Variants in PSD3 observed in about 807,000 individuals in gnomAD.
PSD3 encodes pleckstrin and Sec7 domain containing 3.
In PSD3, 49 loss-of-function variants were observed where a neutral mutation model predicts 105.5. The ratio of observed to expected loss-of-function variants is 0.46; its 90% CI spans 0.37 to 0.59. The LOEUF is 0.59. Among genes scored for constraint, PSD3 ranks in the 20% least tolerant of loss-of-function variants. PSD3 has a pLI of 0.00. For missense variants in PSD3, 1,561 were observed against 1,263.8 expected (o/e 1.24, Z -3.57); for synonymous variants, 557 against 457.8 (o/e 1.22, Z -2.77).
chr8:18,582,862 G>A (rs1315184458), intron 12 of PSD3, among the ~76,000 whole-genome samples: 2 of 140,872 alleles, frequency 1.4e-5, no homozygotes, highest in African/African-American at 5.8e-5. Flanking sequence ...GTCTCGCTCT[G>A]TCACCCAGGC....
chr8:18,696,055 T>G (rs922633905), intron 9 of PSD3, among the ~76,000 whole-genome samples: 4 of 152,126 alleles, frequency 2.6e-5, no homozygotes, highest in African/African-American at 9.7e-5. Context: ...AGAATTGCCC[T>G]GAGATGAAAA....
chr8:18,965,876 C>T, intron 1 of PSD3, among the ~76,000 whole-genome samples: 1 of 152,228 alleles, frequency 6.6e-6, no homozygotes, highest in East Asian at 1.9e-4. Flanking sequence ...AAATGCCAGG[C>T]CTGAGTTAAG....
At chr8:18,665,837 C>A (rs970828522) in intron 9 of PSD3, among the ~76,000 whole-genome samples, 1 of 152,118 alleles carries the variant, frequency 6.6e-6, no homozygotes, top group Non-Finnish European at 1.5e-5. Flanking sequence ...GGTGAGACAG[C>A]GAGACCCAGT....
intron 4 of PSD3, among the ~76,000 whole-genome samples, chr8:18,814,967 A>C (rs1325547671): frequency 6.6e-6 from 1 of 152,338 alleles, no homozygotes; most frequent in East Asian, 1.9e-4. Context: ...TTCATATCTT[A>C]AACAGTTTGT....
chr8:18,750,664 C>T (rs888001292), intron 9 of PSD3, among the ~76,000 whole-genome samples: 3 of 151,950 alleles, frequency 2.0e-5, no homozygotes, highest in Non-Finnish European at 4.4e-5. Context: ...TTGGTAGAGC[C>T]GAGTGGCCTG....
rs571070691 is a variant in PSD3 at position 19,036,764 on chromosome 8, A to G, written c.324+47442T>C. Among the ~76,000 whole-genome samples the G allele has an allele frequency of 4.4e-4, 67 of 152,102 alleles. No homozygotes were observed. In the South Asian group the frequency reaches 0.014, roughly 31 times the overall value. ...TGTAATGAATTAAATGGACTATCTC[A>G]TTGCCAGTCATTGAAATGTCCTCTT... On this transcript the variant is annotated intron_variant, in intron 1 of 1. Coordinates refer to the PSD3 transcript ENST00000521475.
At chr8:18,835,249 G>A (rs1338075533) in intron 4 of PSD3, among the ~76,000 whole-genome samples, 1 of 151,884 alleles carries the variant, frequency 6.6e-6, no homozygotes, top group Non-Finnish European at 1.5e-5. Flanking sequence ...ATTACTTAAG[G>A]GTATTTACTG....
chr8:18,568,292 C>A (rs1801918462), intron 14 of PSD3, among the ~76,000 whole-genome samples: 1 of 143,580 alleles, frequency 7.0e-6, no homozygotes, highest in Non-Finnish European at 1.5e-5. Flanking sequence ...CTTTTCCCCC[C>A]TTTCTTGGCA....
At chr8:18,753,732 T>C (rs1249972592) in intron 9 of PSD3, among the ~76,000 whole-genome samples, 1 of 152,192 alleles carries the variant, frequency 6.6e-6, no homozygotes, top group Non-Finnish European at 1.5e-5. Context: ...AAAATCTTTA[T>C]AAGATAGTTT....
At chr8:18,779,329 T>G (rs539228049) in intron 8 of PSD3, among the ~76,000 whole-genome samples, 1 of 152,218 alleles carries the variant, frequency 6.6e-6, no homozygotes, top group East Asian at 1.9e-4. Flanking sequence ...ATTTGTGTCT[T>G]CTTTTTTAAT....
At chr8:18,697,103 T>C (rs760431575) in intron 9 of PSD3, among the ~76,000 whole-genome samples, 20 of 152,198 alleles carry the variant, frequency 1.3e-4, no homozygotes, top group Non-Finnish European at 2.5e-4. Flanking sequence ...AAAGAAGTTA[T>C]TTCAACATGT....
intron 2 of PSD3, among the ~76,000 whole-genome samples, chr8:18,920,443 A>T (rs1161165288): frequency 6.6e-6 from 1 of 152,240 alleles, no homozygotes; most frequent in Non-Finnish European, 1.5e-5. Context: ...GTGTGGACAG[A>T]TACAGCGGTA....
At chr8:18,675,036 T>C (rs183910269) in intron 9 of PSD3, among the ~76,000 whole-genome samples, 3 of 146,260 alleles carry the variant, frequency 2.1e-5, no homozygotes, top group Admixed American at 1.4e-4. Context: ...AAGAAAAGTG[T>C]CATCAATCTA....
At chr8:18,865,223 GTTATATATATATATATAT>G (rs1563359427) in intron 4 of PSD3, 7 of 74,272 alleles carry the variant, frequency 9.4e-5, no homozygotes, top group Non-Finnish European at 1.6e-4. Context: ...CAGATTCTAT[GTTATATATATATATATAT>G]ATATATATAT....
intron 1 of PSD3, among the ~76,000 whole-genome samples, chr8:18,956,997 G>T (rs1823610977): frequency 1.3e-5 from 2 of 152,096 alleles, no homozygotes; most frequent in Non-Finnish European, 2.9e-5. Context: ...CCTCTCCCAA[G>T]ATGAAATCTT....
chr8:18,605,429 G>A (rs1388036997), intron 11 of PSD3, among the ~76,000 whole-genome samples: 1 of 151,824 alleles, frequency 6.6e-6, no homozygotes, highest in Non-Finnish European at 1.5e-5. Flanking sequence ...CCCAATCCCT[G>A]TATCCCCATT....
rs192029559 is a variant in PSD3, at chr8:18,889,330, G to C, written c.131-16597C>G. The stretch of plus-strand genomic sequence containing the variant: ...TCCCGTATTTGGGGCCTTGACTGTG[G>C]AGAGACTGTTCCTCCCTGGGCTGGC... On this transcript the variant is annotated intron_variant, in intron 2 of 15. Transcript: ENST00000327040. Among the ~76,000 whole-genome samples, 592 of 152,132 alleles carry C rather than the reference G, an allele frequency of 3.9e-3. 3 individuals are homozygous for C. The highest frequency in any genetic ancestry group is 3.9e-3 in the Non-Finnish European group (264 of 68,008).
chr8:18,615,322 T>C (rs936721074), intron 11 of PSD3, among the ~76,000 whole-genome samples: 6 of 152,044 alleles, frequency 3.9e-5, no homozygotes, highest in African/African-American at 1.2e-4. Context: ...TTTAAATTAG[T>C]CAATCGGAAT....
chr8:18,773,176 G>C (rs1000094662), intron 8 of PSD3, among the ~76,000 whole-genome samples: 2 of 152,096 alleles, frequency 1.3e-5, no homozygotes, highest in Admixed American at 1.3e-4. Context: ...TTAAAACATT[G>C]AGATAATTTT....
Sources: gnomAD v4.1 joint callset for allele counts (sites outside exome capture counted in the v4.1 genomes callset) on GRCh38, gnomAD v4.1.1 for gene constraint, MANE v1.5 for transcripts, NCBI Gene and HGNC (gene_info 2026-07-23, HGNC 2026-07-21) for gene names.